The following COG6 variants were observed in gnomAD, a reference collection of about 807,000 sequenced individuals.
COG6 encodes conserved oligomeric Golgi complex subunit 6.
In COG6, 74 loss-of-function variants were observed where a neutral mutation model predicts 88.8. The ratio of observed to expected loss-of-function variants is 0.83; its 90% CI spans 0.69 to 1.01. COG6 has a LOEUF of 1.01. Ranked by LOEUF, COG6 falls within the 50% of genes least tolerant of loss-of-function variation. COG6 has a pLI of 0.00. For missense variants in COG6, 800 were observed against 797.9 expected, an observed-to-expected ratio of 1.00 and a Z score of -0.03; for synonymous variants, 286 against 278.7, an observed-to-expected ratio of 1.03 and a Z score of -0.26.
chr13:39,659,878 AC>A (rs1367481495), intron 2 of COG6, among the ~76,000 whole-genome samples: 1 of 152,202 alleles, frequency 6.6e-6, no homozygotes, highest in African/African-American at 2.4e-5. Flanking sequence ...GAATTGAGTT[AC>A]TTTTACTATA....
intron 17 of COG6, among the ~76,000 whole-genome samples, chr13:39,724,816 T>G (rs937705065): frequency 6.6e-6 from 1 of 151,898 alleles, no homozygotes; most frequent in Non-Finnish European, 1.5e-5. Flanking sequence ...TTTACTCTAT[T>G]TTTAGAGTTT....
Position 39,655,757 on chromosome 13 carries a change from G to T in COG6, c.31G>T (p.Val11Leu). 1 of 1,593,616 alleles carries T rather than the reference G, an allele frequency of 6.3e-7. No homozygotes were observed. Among genetic ancestry groups the T allele is most frequent in the Non-Finnish European group, 8.5e-7 (1 of 1,170,320 alleles). Reference protein sequence around the residue: MAEGSGEVVAVSATGAANGLN... With the variant: MAEGSGEVVALSATGAANGLN... ...AGAGGGCAGCGGGGAAGTGGTCGCAGTGTCTGCGACCGGGGCTGCCAACGG... is the reference window on the plus strand; with the variant it reads ...AGAGGGCAGCGGGGAAGTGGTCGCATTGTCTGCGACCGGGGCTGCCAACGG... The change falls in exon 1 of 19, where the codon GTG becomes TTG. Residue 11 changes from valine (V) to leucine (L), a missense_variant. Transcript: ENST00000455146.
intron 4 of COG6, among the ~76,000 whole-genome samples, chr13:39,672,608 T>C (rs1234489061): frequency 1.3e-5 from 2 of 152,066 alleles, no homozygotes; most frequent in Non-Finnish European, 2.9e-5. Flanking sequence ...TAGTATTCCA[T>C]TGTATAGCAA....
rs1875128652 is a variant in COG6, at chr13:39,664,632, A to C, written c.370-464A>C. Among the ~76,000 whole-genome samples, 3 of 152,222 alleles carry C rather than the reference A, an allele frequency of 2.0e-5. No individual in the cohort carries two copies. In the South Asian group the frequency reaches 6.2e-4, roughly 32 times the overall value. Reference sequence around the variant, plus strand: ...GATCCTCACCAAAAACTTATATGGCAGGTAGTTTGTATATTACAACTTTCA... The same window carrying C: ...GATCCTCACCAAAAACTTATATGGCCGGTAGTTTGTATATTACAACTTTCA... On this transcript the variant is annotated intron_variant, in intron 3 of 18. Transcript: ENST00000455146.
intron 18 of COG6, among the ~76,000 whole-genome samples, chr13:39,787,911 T>A (rs890888021): frequency 6.6e-6 from 1 of 152,190 alleles, no homozygotes; most frequent in Non-Finnish European, 1.5e-5. Flanking sequence ...TTGGTATCTG[T>A]GGGGATCCTG....
chr13:39,743,676 A>T (rs1190763445), intron 18 of COG6, among the ~76,000 whole-genome samples: 5 of 152,206 alleles, frequency 3.3e-5, no homozygotes. Context: ...TACCAGAGGT[A>T]CAAAGAGGAG....
At chr13:39,790,793 A>T (rs1247085676) in exon 19 of COG6, 2 of 152,030 alleles carry the variant, frequency 1.3e-5, no homozygotes, top group African/African-American at 4.8e-5. Context: ...ACGTTTTTAT[A>T]TTAGGCTTAT....
chr13:39,682,188 A>G lies in COG6; in HGVS notation c.712A>G (p.Thr238Ala), dbSNP rs560984465. Residue 238 changes from threonine (T) to alanine (A), a missense_variant, in exon 8 of 19, where the codon ACA (threonine) becomes GCA (alanine). By Grantham distance (58) the Thr-to-Ala change is moderately conservative. Coordinates refer to ENST00000455146, the MANE Select transcript of COG6 (RefSeq NM_020751.3). ...RWAQSECRTLTQESCDVSPVL... is the reference protein window; with the variant it reads ...RWAQSECRTLAQESCDVSPVL... ...TTTTTCAGGTGAATGCAGAACATTG[A>G]CACAAGAATCATGTGACGTATCTCC... 1 of 1,610,648 alleles carries G rather than the reference A, an allele frequency of 6.2e-7. No homozygotes were observed. The highest frequency in any genetic ancestry group is 8.5e-7 in the Non-Finnish European group (1 of 1,176,968).
At chr13:39,696,386 A>C (rs1877275514) in intron 12 of COG6, among the ~76,000 whole-genome samples, 1 of 151,904 alleles carries the variant, frequency 6.6e-6, no homozygotes, top group Admixed American at 6.6e-5. Flanking sequence ...GGAAGTAGAA[A>C]GTATAGGCAG....
chr13:39,680,328 A>C (rs557200063), intron 7 of COG6, among the ~76,000 whole-genome samples: 23 of 152,344 alleles, frequency 1.5e-4, no homozygotes, highest in African/African-American at 5.0e-4. Flanking sequence ...AGTATGCTTG[A>C]TTAAGTGTGA....
chr13:39,765,730 A>C (rs1348229442), intron 18 of COG6, among the ~76,000 whole-genome samples: 1 of 152,188 alleles, frequency 6.6e-6, no homozygotes, highest in Admixed American at 6.5e-5. Context: ...CTGGAGCCTA[A>C]ACTTAATGTA....
chr13:39,702,831 A>C (rs1877660045), intron 13 of COG6, among the ~76,000 whole-genome samples: 1 of 152,258 alleles, frequency 6.6e-6, no homozygotes, highest in South Asian at 2.1e-4. Flanking sequence ...ATTCTAGTGA[A>C]GTCGTTGGTG....
chr13:39,720,596 A>G (rs1440439934), intron 15 of COG6, among the ~76,000 whole-genome samples: 1 of 152,002 alleles, frequency 6.6e-6, no homozygotes, highest in Non-Finnish European at 1.5e-5. Context: ...TTTGTGGTTT[A>G]AAGTCAAATA....
rs376017463 is a variant in COG6, at chr13:39,782,651, A to G, written c.1827-5684A>G. Among the ~76,000 whole-genome samples the G allele has an allele frequency of 1.9e-4, 29 of 152,292 alleles. No individual in the cohort carries two copies. In the South Asian group the frequency reaches 5.8e-3, roughly 30 times the overall value. On this transcript the variant is annotated intron_variant, in intron 18 of 18. Coordinates refer to the COG6 transcript ENST00000416691. ...GCTACACCTGTCCTTGAACATGAGC[A>G]CAAGCTGATTGTGTTTGGAGCCACA... is the stretch of plus-strand genomic sequence containing the variant.
At chr13:39,744,505 T>A (rs977643739) in intron 18 of COG6, among the ~76,000 whole-genome samples, 6 of 152,132 alleles carry the variant, frequency 3.9e-5, no homozygotes, top group Non-Finnish European at 8.8e-5. Flanking sequence ...CCATTCACAA[T>A]TGCTACAAAG....
downstream of COG6, among the ~76,000 whole-genome samples, chr13:39,755,577 G>C (rs1025014317): frequency 6.6e-6 from 1 of 152,184 alleles, no homozygotes; most frequent in Non-Finnish European, 1.5e-5. Flanking sequence ...ACTTTGAAAA[G>C]CTCTTACGTA....
In COG6 at chr13:39,689,815, G is replaced by T; in HGVS notation, c.1065G>T (p.Arg355Ser). Residue 355 changes from arginine to serine, a missense_variant, in exon 11 of 19, where the codon AGG becomes AGT. Transcript: ENST00000455146. ...GGCATATCACTGAAGGTGTGTGCAG[G>T]CCTCTAAAGGTAAAATATTTTGTTT... ...VVGHITEGVCRPLKVRIEQVI... is the reference protein window; with the variant it reads ...VVGHITEGVCSPLKVRIEQVI... The T allele has an allele frequency of 6.2e-7, 1 of 1,607,622 alleles. No individual in the cohort carries two copies. The highest frequency in any genetic ancestry group is 8.5e-7 in the Non-Finnish European group (1 of 1,175,284).
At chr13:39,669,745 G>C (rs1026330651) in intron 4 of COG6, among the ~76,000 whole-genome samples, 1 of 152,118 alleles carries the variant, frequency 6.6e-6, no homozygotes, top group African/African-American at 2.4e-5. Context: ...AACTATTTAA[G>C]CAAGGTTTAT....
intron 13 of COG6, among the ~76,000 whole-genome samples, chr13:39,700,224 T>C (rs1877502981): frequency 6.6e-6 from 1 of 151,778 alleles, no homozygotes; most frequent in Non-Finnish European, 1.5e-5. Context: ...GAACATGAGT[T>C]TTTCAAGGAT....
Sources: gnomAD v4.1 joint callset for allele counts (sites outside exome capture counted in the v4.1 genomes callset) on GRCh38, gnomAD v4.1.1 for gene constraint, MANE v1.5 for transcripts, NCBI Gene and HGNC (gene_info 2026-07-23, HGNC 2026-07-21) for gene names.